SLC44A3: variants seen among roughly 807,000 people sequenced by gnomAD.
SLC44A3 encodes solute carrier family 44 member 3.
SLC44A3 carries 74 observed loss-of-function variants against 75.4 expected under a neutral mutation model. The observed-to-expected ratio is 0.98, with a 90% CI of 0.81 to 1.19. The LOEUF is 1.19. Ranked by LOEUF, SLC44A3 falls within the 50% of genes most tolerant of loss-of-function variation. The probability of loss-of-function intolerance (pLI) is 0.00; values close to 1 mark genes in which losing one functional copy is unlikely to be tolerated. For synonymous variants in SLC44A3, 310 were observed against 296.9 expected, an observed-to-expected ratio of 1.04 and a Z score of -0.45; for missense variants, 700 against 778.6, an observed-to-expected ratio of 0.90 and a Z score of 1.20.
intron 10 of SLC44A3, among the ~76,000 whole-genome samples, chr1:94,857,809 CTTTTTTT>C (rs34204401): frequency 7.8e-5 from 5 of 63,966 alleles, no homozygotes; most frequent in Admixed American, 2.1e-4. Context: ...ATGGAGTAGC[CTTTTTTT>C]TTTTTTTTTT....
intron 12 of SLC44A3, among the ~76,000 whole-genome samples, chr1:94,870,766 T>C (rs531742073): frequency 6.6e-6 from 1 of 152,172 alleles, no homozygotes; most frequent in Non-Finnish European, 1.5e-5. Flanking sequence ...CACTGCAACC[T>C]CTGCCTCCCG....
intron 12 of SLC44A3, among the ~76,000 whole-genome samples, chr1:94,870,427 T>C (rs543950129): frequency 6.6e-6 from 1 of 152,266 alleles, no homozygotes; most frequent in South Asian, 2.1e-4. Context: ...TACAGAAAAG[T>C]ACATGTTTAA....
rs1317589926 is a variant in SLC44A3, at chr1:94,828,599, A to C, written c.509+13A>C. The stretch of plus-strand genomic sequence containing the variant: ...CAGTTCCTCCAAGGTAAAAGCTTCC[A>C]TACTTTTTCCTTAACTCTAAACAAA... On this transcript the variant is annotated intron_variant, in intron 5 of 14. Coordinates refer to ENST00000271227, the MANE Select transcript of SLC44A3 (RefSeq NM_001114106.3). The C allele has an allele frequency of 6.2e-7, 1 of 1,612,562 alleles. No homozygotes were observed. Among genetic ancestry groups the C allele is most frequent in the Admixed American group, 1.7e-5 (1 of 59,896 alleles).
Position 94,895,024 on chromosome 1 carries a change from A to G in SLC44A3, c.*102A>G, listed in dbSNP as rs1424921168. The G allele has an allele frequency of 5.4e-5, 43 of 799,380 alleles. No individual in the cohort carries two copies. Among genetic ancestry groups the G allele is most frequent in the Non-Finnish European group, 8.1e-5 (41 of 504,258 alleles). 49.5% of individuals were successfully genotyped at this position (799,380 alleles called of 1,614,324 possible). ...GAGAAAAGTTAGTGAATTTTTTTTT[A>G]AAAGACCTAATAAACCCTATTCTTC... On this transcript the variant is annotated 3_prime_UTR_variant, in exon 15 of 15. Coordinates refer to ENST00000271227, the MANE Select transcript of SLC44A3 (RefSeq NM_001114106.3).
intron 12 of SLC44A3, among the ~76,000 whole-genome samples, chr1:94,875,413 C>G (rs143049922): frequency 6.6e-6 from 1 of 152,296 alleles, no homozygotes; most frequent in Non-Finnish European, 1.5e-5. Context: ...ATAGCGGAAT[C>G]TGGGGTCCAG....
In SLC44A3 at chr1:94,889,967, C is replaced by T. The variant is rs531421569; in HGVS notation, c.1483-1163C>T. ...CCGGGTTCAAGCAATTCTCCTGCCT[C>T]AACCTCCCGAGTAGCTGGGATTACA... On this transcript the variant is annotated intron_variant, in intron 12 of 14. Coordinates refer to ENST00000271227, the MANE Select transcript of SLC44A3 (RefSeq NM_001114106.3). Among the ~76,000 whole-genome samples the T allele has an allele frequency of 1.6e-3, 243 of 152,188 alleles. 1 individual carries two copies. Among genetic ancestry groups the T allele is most frequent in the African/African-American group, 5.7e-3 (236 of 41,536 alleles).
intron 11 of SLC44A3, among the ~76,000 whole-genome samples, chr1:94,866,266 C>G (rs1667154968): frequency 6.6e-6 from 1 of 152,242 alleles, no homozygotes; most frequent in Non-Finnish European, 1.5e-5. Flanking sequence ...TAAAGCTAGG[C>G]ATTTTAAACT....
rs545746480 is a variant in SLC44A3, at chr1:94,850,663, G to A, written c.1072+5199G>A. On this transcript the variant is annotated intron_variant, in intron 9 of 14. Coordinates refer to ENST00000271227, the MANE Select transcript of SLC44A3 (RefSeq NM_001114106.3). ...CCTCTGCTTCCTTTTTGCCATTTTT[G>A]CAATGGAAAACTGATGTAAGGTTGC... is the stretch of plus-strand genomic sequence containing the variant. 6.6e-5 allele frequency among the ~76,000 whole-genome samples: 10 copies of A among 152,264 alleles called. No individual in the cohort carries two copies. The East Asian group carries it at 1.7e-3, about 26-fold the overall frequency.
At chr1:94,821,628 G>T (rs1201230695) in intron 2 of SLC44A3, among the ~76,000 whole-genome samples, 2 of 152,168 alleles carry the variant, frequency 1.3e-5, no homozygotes, top group Non-Finnish European at 2.9e-5. Context: ...AATCCTGAGA[G>T]AGTCTGTTGG....
rs530173063 is a variant in SLC44A3, at chr1:94,829,095, AT to A, written c.509+516del. On this transcript the variant is annotated intron_variant, in intron 5 of 14. Transcript: ENST00000271227. ...CTCTAAATATACAAAAATATATACT[AT>A]TTTTTTGTATACTAAAAATATACTA... is the stretch of plus-strand genomic sequence containing the variant. 6.6e-4 allele frequency among the ~76,000 whole-genome samples: 101 copies of A among 152,070 alleles called. 1 individual carries two copies. Among genetic ancestry groups the A allele is most frequent in the African/African-American group, 2.2e-3 (90 of 41,482 alleles).
In SLC44A3 at chr1:94,821,014, T is replaced by TA; in HGVS notation, c.94dup (p.Thr32AsnfsTer35). The TA allele has an allele frequency of 6.4e-7, 1 of 1,551,626 alleles. No homozygotes were observed. On this transcript the variant is annotated frameshift_variant, in exon 2 of 15. Transcript: ENST00000271227. LOFTEE classifies it high-confidence loss of function. ...CCCAGATTTATAGGAAATGCACAGATACGGCATGGTTATTCCTGTTCTTTC... is the reference window on the plus strand; with the variant it reads ...CCCAGATTTATAGGAAATGCACAGATAACGGCATGGTTATTCCTGTTCTTTC...
chr1:94,860,164 G>A (rs9432595), intron 10 of SLC44A3, among the ~76,000 whole-genome samples: 30,621 of 152,132 alleles, frequency 0.2, 3,326 homozygotes, highest in Middle Eastern at 0.27. Context: ...AAACAACAAA[G>A]CAAACTATAA....
At chr1:94,856,190 C>A (rs866010736) in intron 9 of SLC44A3, among the ~76,000 whole-genome samples, 1 of 152,136 alleles carries the variant, frequency 6.6e-6, no homozygotes, top group South Asian at 2.1e-4. Context: ...TAGTAATAAA[C>A]CATTATCACT....
chr1:94,877,587 TACAG>T (rs1159038952), intron 12 of SLC44A3, among the ~76,000 whole-genome samples: 11 of 152,274 alleles, frequency 7.2e-5, no homozygotes, highest in Middle Eastern at 3.4e-3. Flanking sequence ...GTCCCATCTC[TACAG>T]ACATTTGAGA....
rs1464048826 is a variant in SLC44A3 at position 94,892,507 on chromosome 1, A to G, written c.1847A>G (p.Gln616Arg). 1 of 1,613,472 alleles carries G rather than the reference A, an allele frequency of 6.2e-7. No individual in the cohort carries two copies. The highest frequency in any genetic ancestry group is 1.3e-5 in the African/African-American group (1 of 74,878). The change falls in exon 14 of 15, where the codon CAA becomes CGA. Residue 616 changes from glutamine (Q) to arginine (R), a missense_variant. Physicochemically the swap from Gln to Arg is conservative, Grantham distance 43. Transcript: ENST00000271227. Reference sequence around the variant, plus strand: ...TCAGAAAAGCCCTACTTTATGGATCAAGAATTTCTGGTAAGCAAACATTTC... The same window carrying G: ...TCAGAAAAGCCCTACTTTATGGATCGAGAATTTCTGGTAAGCAAACATTTC... ...GSSEKPYFMD[Q>R]EFLSFVKRSN... is the part of the protein sequence containing the mutation.
chr1:94,856,640 C>T (rs1054602292), intron 9 of SLC44A3, among the ~76,000 whole-genome samples: 6 of 152,152 alleles, frequency 3.9e-5, no homozygotes, highest in South Asian at 2.1e-4. Context: ...AGGAAAACTA[C>T]GGATTTTTAG....
chr1:94,869,088 A>G (rs1667483052), intron 12 of SLC44A3, among the ~76,000 whole-genome samples: 1 of 152,354 alleles, frequency 6.6e-6, no homozygotes, highest in Non-Finnish European at 1.5e-5. Flanking sequence ...TCATTTGAGG[A>G]CAGGTCTCTG....
At chr1:94,825,828 C>A in intron 3 of SLC44A3, 1 of 456,242 alleles carries the variant, frequency 2.2e-6, no homozygotes, top group South Asian at 1.5e-5. Flanking sequence ...CTCCTGCACT[C>A]ATAGAGCCAC....
intron 8 of SLC44A3, chr1:94,843,487 C>T (rs1216581834): frequency 6.6e-6 from 1 of 152,224 alleles, no homozygotes. Flanking sequence ...CCTCTCCCTG[C>T]ATGGTCAGGA....
Sources: gnomAD v4.1 joint callset for allele counts (sites outside exome capture counted in the v4.1 genomes callset) on GRCh38, gnomAD v4.1.1 for gene constraint, MANE v1.5 for transcripts, NCBI Gene and HGNC (gene_info 2026-07-23, HGNC 2026-07-21) for gene names.